The following CARMIL1 variants were observed in gnomAD, a reference collection of about 807,000 sequenced individuals.
CARMIL1 encodes the protein F-actin-uncapping protein LRRC16A.
Under a neutral mutation model 177.1 loss-of-function variants are expected in CARMIL1, and 90 were observed. The observed-to-expected ratio is 0.51, with a 90% CI of 0.43 to 0.61. The LOEUF is 0.61. CARMIL1 is among the 20% of genes least tolerant of loss of function. The pLI is 0.00. For synonymous variants in CARMIL1, 577 were observed against 606.2 expected (o/e 0.95, Z 0.71); for missense variants, 1,380 against 1,667.0 (o/e 0.83, Z 3.00).
chr6:25,554,177 G>C lies in CARMIL1; in HGVS notation c.2592+81G>C. ...AGGATGACTTCCGGTGTGGGGATGT[G>C]ATTTCTTTTCTGTATTTCACACTAT... On this transcript the variant is annotated intron_variant, in intron 28 of 36. Transcript: ENST00000329474. This position sits in a 1 kb window ranked among gnomAD's most constrained non-coding sequence, Gnocchi z 4.6. 1 of 989,502 alleles carries C rather than the reference G, an allele frequency of 1.0e-6. No homozygotes were observed. Among genetic ancestry groups the C allele is most frequent in the Non-Finnish European group, 1.6e-6 (1 of 638,210 alleles). 61.3% of individuals were successfully genotyped at this position (989,502 alleles called of 1,614,324 possible).
At chr6:25,457,094 A>G (rs959467565) in intron 8 of CARMIL1, among the ~76,000 whole-genome samples, 3 of 152,102 alleles carry the variant, frequency 2.0e-5, no homozygotes, top group African/African-American at 7.2e-5. Flanking sequence ...ATTTCTCGAA[A>G]TAGTTCTGTA....
rs563446291 is a variant in CARMIL1, at chr6:25,472,135, A to T, written c.780-292A>T. ...TCAATCCAGGATTTTTTTTTTTTTT[A>T]AATTATGGAGGGGCCAGAAAGTACT... On this transcript the variant is annotated intron_variant, in intron 10 of 36. Transcript: ENST00000329474. Among the ~76,000 whole-genome samples the T allele has an allele frequency of 1.0e-3, 156 of 149,780 alleles. 1 individual carries two copies. The highest frequency in any genetic ancestry group is 1.5e-3 in the South Asian group (7 of 4,760).
At chr6:25,587,546 G>C (rs1242116790) in intron 31 of CARMIL1, among the ~76,000 whole-genome samples, 1 of 152,108 alleles carries the variant, frequency 6.6e-6, no homozygotes, top group South Asian at 2.1e-4. Context: ...TTCAAAGCTA[G>C]TATTTCCATT....
At chr6:25,431,148 C>T (rs142690254) in intron 4 of CARMIL1, among the ~76,000 whole-genome samples, 111 of 152,232 alleles carry the variant, frequency 7.3e-4, no homozygotes, top group African/African-American at 2.3e-3. Flanking sequence ...CTTTTTGGTT[C>T]CATTGGTTTT....
At chr6:25,460,895 C>T (rs927202059) in intron 8 of CARMIL1, among the ~76,000 whole-genome samples, 48 of 152,260 alleles carry the variant, frequency 3.2e-4, no homozygotes, top group African/African-American at 1.2e-3. Flanking sequence ...TTATGTCCAC[C>T]ATTTAACACA....
intron 29 of CARMIL1, among the ~76,000 whole-genome samples, chr6:25,566,840 G>A (rs1185432329): frequency 1.3e-5 from 2 of 152,206 alleles, no homozygotes; most frequent in South Asian, 2.1e-4. Context: ...ATAAATATCA[G>A]TAGTAGCAGA....
At position 25,491,943 on chromosome 6, in the gene CARMIL1, T is replaced by C. The variant is rs771468572; in HGVS notation, c.1144-5T>C. 15 of 1,613,048 alleles carry C rather than the reference T, an allele frequency of 9.3e-6. No individual in the cohort carries two copies. The highest frequency in any genetic ancestry group is 8.5e-7 in the Non-Finnish European group (1 of 1,179,470). Reference sequence around the variant, plus strand: ...GAAAAGAAGAGTGCCTTATTTCTTTTTCAGGTCTGTGGAGCTCTTCTCCGT... The same window carrying C: ...GAAAAGAAGAGTGCCTTATTTCTTTCTCAGGTCTGTGGAGCTCTTCTCCGT... On this transcript the variant is annotated splice_polypyrimidine_tract_variant and splice_region_variant and intron_variant, in intron 14 of 36. Coordinates refer to ENST00000329474, the MANE Select transcript of CARMIL1 (RefSeq NM_017640.6).
intron 2 of CARMIL1, among the ~76,000 whole-genome samples, chr6:25,385,082 G>T (rs1035635556): frequency 1.3e-5 from 2 of 152,166 alleles, no homozygotes; most frequent in Admixed American, 1.3e-4. Context: ...AGGAAAGTTG[G>T]ACATTAAAAC....
In CARMIL1 at chr6:25,296,935, T is replaced by TCTATCTATCTTTAACTAAC. The variant is rs11414122; in HGVS notation, c.138+12026_138+12027insCTATCTATCTTTAACTAAC. ...TATCTATCTATCTATCTATCTATCT[T>TCTATCTATCTTTAACTAAC]TAACTAACTAACTAACTAACTAACT... On this transcript the variant is annotated intron_variant, in intron 2 of 36. Coordinates refer to ENST00000329474, the MANE Select transcript of CARMIL1 (RefSeq NM_017640.6). 9.5e-4 allele frequency among the ~76,000 whole-genome samples: 129 copies of TCTATCTATCTTTAACTAAC among 136,438 alleles called. No homozygotes were observed. The Middle Eastern group carries it at 0.015, about 16-fold the overall frequency. 89.5% of individuals were successfully genotyped at this position (136,438 alleles called of 152,430 possible).
rs1391620440 is a variant in CARMIL1 at position 25,279,613 on chromosome 6, T to C, written c.-183T>C. 1.2e-3 allele frequency: 87 copies of C among 72,334 alleles called. No individual in the cohort carries two copies. The South Asian group carries it at 0.024, about 20-fold the overall frequency. 4.5% of individuals were successfully genotyped at this position (72,334 alleles called of 1,614,324 possible). On this transcript the variant is annotated 5_prime_UTR_variant, in exon 1 of 37. Transcript: ENST00000329474. ...AAATCCGCCTCGCATTTGCAACTCT[T>C]TTTTTTTTTTTTGGTGGGGCGGGGG...
intron 2 of CARMIL1, among the ~76,000 whole-genome samples, chr6:25,323,382 G>A (rs972502057): frequency 1.4e-5 from 2 of 139,826 alleles, no homozygotes; most frequent in African/African-American, 2.7e-5. Context: ...CCAGGAATTC[G>A]AGACCAGCCT....
intron 4 of CARMIL1, chr6:25,433,043 T>C (rs1796950544): frequency 1.3e-5 from 2 of 152,214 alleles, no homozygotes; most frequent in South Asian, 4.1e-4. Flanking sequence ...CTTTTTTTCT[T>C]TTTTGATGAG....
intron 32 of CARMIL1, among the ~76,000 whole-genome samples, chr6:25,598,705 T>C (rs1256123804): frequency 6.6e-6 from 1 of 152,222 alleles, no homozygotes; most frequent in Non-Finnish European, 1.5e-5. Context: ...TTATTCATGT[T>C]GGTGGATGCA....
At chr6:25,537,736 A>T (rs532996266) in intron 24 of CARMIL1, 119 bp from the exon 25 acceptor site, 1 of 1,196,384 alleles carries the variant, frequency 8.4e-7, no homozygotes, top group Non-Finnish European at 1.2e-6. Flanking sequence ...TGAGGTTTTC[A>T]TCCTTGTGCA....
chr6:25,563,995 T>C, intron 29 of CARMIL1: 1 of 363,200 alleles, frequency 2.8e-6, no homozygotes, highest in Non-Finnish European at 3.8e-6. Context: ...TATGAATATA[T>C]TTTGTATCAT....
At chr6:25,483,290 G>A (rs560476875) in intron 12 of CARMIL1, among the ~76,000 whole-genome samples, 16 of 152,294 alleles carry the variant, frequency 1.1e-4, no homozygotes, top group African/African-American at 3.8e-4. Flanking sequence ...AGTATGTATA[G>A]TGGTTGAAAG....
chr6:25,280,518 T>G (rs2150116120), intron 1 of CARMIL1, among the ~76,000 whole-genome samples: 1 of 151,682 alleles, frequency 6.6e-6, no homozygotes, highest in South Asian at 2.1e-4. Context: ...ATTCTCCCTA[T>G]AGGGGATCTC....
intron 8 of CARMIL1, among the ~76,000 whole-genome samples, chr6:25,463,283 T>C (rs1800282268): frequency 6.6e-6 from 1 of 152,228 alleles, no homozygotes; most frequent in Non-Finnish European, 1.5e-5. Flanking sequence ...TCTTTTTTTA[T>C]ATGTAGATTT....
intron 2 of CARMIL1, among the ~76,000 whole-genome samples, chr6:25,395,827 G>A (rs2150558602): frequency 6.6e-6 from 1 of 152,338 alleles, no homozygotes; most frequent in East Asian, 1.9e-4. Context: ...ACATAAGCAA[G>A]TGGAAAGGTG....
Sources: allele counts gnomAD v4.1 joint callset (sites outside exome capture counted in the v4.1 genomes callset), GRCh38; gene constraint gnomAD v4.1.1; non-coding constraint Gnocchi (gnomAD v3.1); transcripts MANE v1.5; gene names NCBI Gene and HGNC (gene_info 2026-07-23, HGNC 2026-07-21).